Variants in STAU2 observed in about 807,000 individuals in gnomAD.
STAU2 encodes staufen double-stranded RNA binding protein 2.
In STAU2, 20 loss-of-function variants were observed where a neutral mutation model predicts 65.9. That is an observed-to-expected ratio of 0.30 (90% CI 0.21 to 0.44). The LOEUF is 0.44. Ranked by LOEUF, STAU2 falls within the 20% of genes least tolerant of loss-of-function variation. The probability of loss-of-function intolerance (pLI) is 1.00; values close to 1 mark genes in which losing one functional copy is unlikely to be tolerated. For synonymous variants in STAU2, 232 were observed against 233.9 expected (o/e 0.99, Z 0.07); for missense variants, 558 against 683.9 (o/e 0.82, Z 2.05).
intron 13 of STAU2, chr8:73,527,571 T>C: frequency 1.6e-6 from 1 of 613,644 alleles, no homozygotes. Context: ...TAGCAGATGG[T>C]GCTAGCAGAT....
intron 13 of STAU2, among the ~76,000 whole-genome samples, chr8:73,489,226 G>A (rs1821054498): frequency 6.6e-6 from 1 of 151,634 alleles, no homozygotes; most frequent in Non-Finnish European, 1.5e-5. Context: ...TTCAATATTA[G>A]TTACTGAGAG....
intron 6 of STAU2, among the ~76,000 whole-genome samples, chr8:73,633,836 C>T (rs1031134076): frequency 6.6e-6 from 1 of 151,976 alleles, no homozygotes; most frequent in African/African-American, 2.4e-5. Context: ...CAAAAATTAG[C>T]CAGGCGTGGT....
At chr8:73,457,366 G>C (rs957134842) in intron 13 of STAU2, among the ~76,000 whole-genome samples, 15 of 152,188 alleles carry the variant, frequency 9.9e-5, no homozygotes, top group Non-Finnish European at 2.1e-4. Flanking sequence ...ATTAGGATAA[G>C]GGCCAACAAG....
intron 13 of STAU2, chr8:73,550,715 TTTAAA>T: frequency 2.0e-6 from 2 of 987,494 alleles, no homozygotes; most frequent in Non-Finnish European, 2.4e-6. Context: ...AAATTGTAAC[TTTAAA>T]TTAAGTGGTT....
intron 5 of STAU2, among the ~76,000 whole-genome samples, chr8:73,680,878 A>C (rs1332958802): frequency 6.6e-6 from 1 of 152,000 alleles, no homozygotes; most frequent in African/African-American, 2.4e-5. Context: ...CAGAGCTCAA[A>C]GACAAGGCCT....
At chr8:73,551,018 T>A (rs952696481) in intron 13 of STAU2, 2 of 986,382 alleles carry the variant, frequency 2.0e-6, no homozygotes, top group African/African-American at 3.5e-5. Flanking sequence ...TCTTAAGGAA[T>A]AAAGACTAAG....
upstream of STAU2, chr8:73,747,430 C>T (rs1807364047): frequency 6.5e-7 from 1 of 1,534,948 alleles, no homozygotes; most frequent in East Asian, 2.5e-5. Context: ...GTGCAGGGGA[C>T]GCGCGACCAT....
chr8:73,508,368 T>G (rs528887489), intron 13 of STAU2, among the ~76,000 whole-genome samples: 68 of 152,178 alleles, frequency 4.5e-4, no homozygotes, highest in Non-Finnish European at 8.1e-4. Flanking sequence ...CCTGAGGAGA[T>G]GGAGAGAGAT....
At chr8:73,513,365 C>T (rs1233311555) in intron 13 of STAU2, among the ~76,000 whole-genome samples, 5 of 152,108 alleles carry the variant, frequency 3.3e-5, no homozygotes, top group South Asian at 2.1e-4. Context: ...AGTAATTAGT[C>T]GGTGGTTATG....
At chr8:73,562,373 C>G (rs1427321520) in intron 12 of STAU2, among the ~76,000 whole-genome samples, 1 of 152,152 alleles carries the variant, frequency 6.6e-6, no homozygotes, top group Non-Finnish European at 1.5e-5. Flanking sequence ...GTAGTCCCAG[C>G]TACTCAGGAG....
At position 73,421,444 on chromosome 8, in the gene STAU2, C is replaced by G; in HGVS notation, c.1641G>C (p.Glu547Asp). Residue 547 changes from glutamate (E) to aspartate (D), a missense_variant, in exon 15 of 15, where the codon GAG becomes GAC. Physicochemically the swap from Glu to Asp is conservative, Grantham distance 45. Transcript: ENST00000524300. ...SLEKQAKHLR[E>D]KADNNQAPPG... The stretch of plus-strand genomic sequence containing the variant: ...GGGGTGCCTGGTTATTGTCCGCTTT[C>G]TCTCTCAGATGCTTGGCTTGTCTGA... 1 of 1,537,270 alleles carries G rather than the reference C, an allele frequency of 6.5e-7. No individual in the cohort carries two copies. Among genetic ancestry groups the G allele is most frequent in the Non-Finnish European group, 8.7e-7 (1 of 1,146,912 alleles).
At chr8:73,519,471 A>G (rs1196752640) in intron 13 of STAU2, among the ~76,000 whole-genome samples, 1 of 152,176 alleles carries the variant, frequency 6.6e-6, no homozygotes, top group Non-Finnish European at 1.5e-5. Context: ...ATGTACTCAT[A>G]TGCATAATAT....
At chr8:73,711,257 T>G (rs180904901) in intron 3 of STAU2, among the ~76,000 whole-genome samples, 53 of 151,662 alleles carry the variant, frequency 3.5e-4, no homozygotes, top group Middle Eastern at 3.4e-3. Flanking sequence ...GTCACACAAA[T>G]TTTATAAAAC....
chr8:73,725,748 C>T (rs1160992559), intron 3 of STAU2, among the ~76,000 whole-genome samples: 4 of 152,174 alleles, frequency 2.6e-5, no homozygotes, highest in African/African-American at 9.7e-5. Context: ...ACCTGAGCAA[C>T]ATGGCAAAAC....
intron 5 of STAU2, 96 bp downstream of exon 5, chr8:73,688,558 T>C (rs1283463522): frequency 8.3e-7 from 1 of 1,204,272 alleles, no homozygotes; most frequent in Non-Finnish European, 1.2e-6. Context: ...GTACTATTAA[T>C]ACTTGCTCAC....
At chr8:73,650,258 A>C (rs749967472) in intron 6 of STAU2, among the ~76,000 whole-genome samples, 4 of 152,070 alleles carry the variant, frequency 2.6e-5, no homozygotes, top group Non-Finnish European at 4.4e-5. Context: ...CTTGGAAATC[A>C]TTTAAATTTT....
In STAU2 at chr8:73,422,614, T is replaced by C. The variant is rs1247623770; in HGVS notation, c.1619A>G (p.Lys540Arg). ...AMNIEKGSLE[K>R]QAKHLREKAD... ...GAATACTGACAGGGGATTTACTCAC[T>C]TTTCAAGAGAACCTTTTTCGATATT... Residue 540 changes from lysine (K) to arginine (R), a missense_variant and splice_region_variant, in exon 14 of 15, where the codon AAA becomes AGA. Physicochemically the swap from Lys to Arg is conservative, Grantham distance 26. This residue lies in a region of STAU2 where 247 missense variants were observed against 270.1 expected (regional missense o/e 0.91). Coordinates refer to ENST00000524300, the MANE Select transcript of STAU2 (RefSeq NM_001164380.2). 1.3e-5 allele frequency: 19 copies of C among 1,512,618 alleles called. No homozygotes were observed. In the East Asian group the frequency reaches 4.8e-4, roughly 38 times the overall value. 93.7% of individuals were successfully genotyped at this position (1,512,618 alleles called of 1,614,324 possible).
At chr8:73,658,397 TCAC>T (rs1475507430) in intron 6 of STAU2, among the ~76,000 whole-genome samples, 3 of 151,868 alleles carry the variant, frequency 2.0e-5, no homozygotes, top group African/African-American at 7.3e-5. Context: ...CTTGGGAAGT[TCAC>T]CACCATTTAT....
rs139710481 is a variant in STAU2, at chr8:73,527,820, C to T, written c.1530+24192G>A. On this transcript the variant is annotated intron_variant, in intron 13 of 14. Coordinates refer to ENST00000524300, the MANE Select transcript of STAU2 (RefSeq NM_001164380.2). ...AGTAGTGAACCTATAACAGAACACACGCAATCCACTGAACACCATTTTCAG... is the reference window on the plus strand; with the variant it reads ...AGTAGTGAACCTATAACAGAACACATGCAATCCACTGAACACCATTTTCAG... 216 of 1,519,594 alleles carry T rather than the reference C, an allele frequency of 1.4e-4. 3 individuals are homozygous for T. In the East Asian group the frequency reaches 3.6e-3, roughly 25 times the overall value. The allele number at this position is 1,519,594 out of a possible 1,614,324, so 94.1% of individuals were successfully genotyped here.
Sources: gnomAD v4.1 joint callset for allele counts (sites outside exome capture counted in the v4.1 genomes callset) on GRCh38, gnomAD v4.1.1 for gene constraint, gnomAD v4.1.1 regional missense constraint, MANE v1.5 for transcripts, NCBI Gene and HGNC (gene_info 2026-07-23, HGNC 2026-07-21) for gene names.